TTN: variants seen among roughly 807,000 people sequenced by gnomAD.
The protein encoded by TTN is connectin.
TTN carries 1,525 observed loss-of-function variants against 3,223.0 expected under a neutral mutation model. That is an observed-to-expected ratio of 0.47 (90% CI 0.45 to 0.49). The LOEUF (loss-of-function observed/expected upper bound fraction) is 0.49. TTN is among the 20% of genes least tolerant of loss of function. TTN has a pLI of 0.00. For synonymous variants in TTN, 14,094 were observed against 15,161.0 expected, an observed-to-expected ratio of 0.93 and a Z score of 5.17; for missense variants, 40,786 against 43,424.0, an observed-to-expected ratio of 0.94 and a Z score of 5.40.
At chr2:178,650,859 CT>C in intron 208 of TTN, 25 bp from the exon 209 acceptor site, 1 of 1,573,948 alleles carries the variant, frequency 6.4e-7, no homozygotes, top group Non-Finnish European at 8.6e-7. Flanking sequence ...ATTCATTTTT[CT>C]TATGAGTAGT....
In TTN at chr2:178,588,127, C is replaced by T. The variant is rs1408476291; in HGVS notation, c.63280G>A (p.Ala21094Thr). 2.5e-6 allele frequency: 4 copies of T among 1,612,598 alleles called. No homozygotes were observed. Among genetic ancestry groups the T allele is most frequent in the Non-Finnish European group, 3.4e-6 (4 of 1,179,178 alleles). The change falls in exon 305 of 363, where the codon GCA becomes ACA. Residue 21094 changes from alanine to threonine, a missense_variant. Ala to Thr is a moderately conservative substitution (Grantham distance 58). Coordinates refer to ENST00000589042, the MANE Select transcript of TTN (RefSeq NM_001267550.2). Reference sequence around the variant, plus strand: ...TCCACAACATATCCAATGATCGGTGCACCACCATCATAGACTGGTTTTCCC... The same window carrying T: ...TCCACAACATATCCAATGATCGGTGTACCACCATCATAGACTGGTTTTCCC... ...GWGKPVYDGG[A>T]PIIGYVVEMR...
chr2:178,582,613 A>C lies in TTN; in HGVS notation c.65864-21T>G, dbSNP rs375373946. 194 of 1,582,564 alleles carry C rather than the reference A, an allele frequency of 1.2e-4. 1 individual carries two copies. The highest frequency in any genetic ancestry group is 1.9e-4 in the South Asian group (16 of 84,976). ...TTTATCTGAAGGAATAAGGAAGAAGAGTGAATATGTGGAATGGGGAATGAG... is the reference window on the plus strand; with the variant it reads ...TTTATCTGAAGGAATAAGGAAGAAGCGTGAATATGTGGAATGGGGAATGAG... On this transcript the variant is annotated intron_variant, in intron 313 of 362. Coordinates refer to ENST00000589042, the MANE Select transcript of TTN (RefSeq NM_001267550.2).
At position 178,573,910 on chromosome 2, in the gene TTN, T is replaced by A. The variant is rs763627374; in HGVS notation, c.72222A>T (p.Ala24074=). 7 of 1,612,256 alleles carry A rather than the reference T, an allele frequency of 4.3e-6. No homozygotes were observed. The highest frequency in any genetic ancestry group is 5.1e-6 in the Non-Finnish European group (6 of 1,178,752). ...AATCTGCAATTTTTATTTCTAACTT[T>A]GCTGTGCCTTCCAGCTCTTTTCCAT... The part of the protein sequence containing the change: ...SKDGKELEGT[A]KLEIKIADFS... The change falls in exon 326 of 363, where the codon GCA becomes GCT. Residue 24074 remains alanine, a synonymous_variant. Transcript: ENST00000589042.
chr2:178,782,423 C>T lies in TTN; in HGVS notation c.3169G>A (p.Val1057Ile), dbSNP rs780035225. ...GTCATAACCACATCTCTTGACTCAACAAAGCTGGAAAGAGAATTCCCCTCA... is the reference window on the plus strand; with the variant it reads ...GTCATAACCACATCTCTTGACTCAATAAAGCTGGAAAGAGAATTCCCCTCA... The part of the protein sequence containing the change: ...EKFTTEEKRF[V>I]ESRDVVMTDT... Residue 1057 changes from valine (V) to isoleucine (I), a missense_variant, in exon 20 of 363, where the codon GTT becomes ATT. By Grantham distance (29) the Val-to-Ile change is conservative (BLOSUM62 3). Transcript: ENST00000589042. 11 of 1,613,950 alleles carry T rather than the reference C, an allele frequency of 6.8e-6. No individual in the cohort carries two copies. The highest frequency in any genetic ancestry group is 1.3e-5 in the African/African-American group (1 of 74,910).
chr2:178,562,340 T>G lies in TTN; in HGVS notation c.83792A>C (p.Glu27931Ala). 15 of 1,611,708 alleles carry G rather than the reference T, an allele frequency of 9.3e-6. No homozygotes were observed. Among genetic ancestry groups the G allele is most frequent in the Non-Finnish European group, 1.3e-5 (15 of 1,179,064 alleles). The change falls in exon 326 of 363, where the codon GAG becomes GCG. Residue 27931 changes from glutamate (E) to alanine (A), a missense_variant. Coordinates refer to ENST00000589042, the MANE Select transcript of TTN (RefSeq NM_001267550.2). ...AACTGCAGCTACCCTGAAGACATAC[T>G]CTTCTCCTGCAGTTAAGCCAGATAT... ...ATISGLTAGEEYVFRVAAVNE... is the reference protein window; with the variant it reads ...ATISGLTAGEAYVFRVAAVNE...
intron 24 of TTN, chr2:178,778,644 T>C (rs1003332039): frequency 5.3e-6 from 3 of 570,640 alleles, no homozygotes; most frequent in African/African-American, 1.9e-5. Flanking sequence ...TATTGTGATA[T>C]TAGCTATAGC....
At position 178,562,998 on chromosome 2, in the gene TTN, C is replaced by T; in HGVS notation, c.83134G>A (p.Ala27712Thr). 6.2e-7 allele frequency: 1 copy of T among 1,613,670 alleles called. No individual in the cohort carries two copies. Among genetic ancestry groups the T allele is most frequent in the East Asian group, 2.2e-5 (1 of 44,830 alleles). Residue 27712 changes from alanine to threonine, a missense_variant, in exon 326 of 363, where the codon GCA becomes ACA. By Grantham distance (58) the Ala-to-Thr change is moderately conservative. Coordinates refer to ENST00000589042, the MANE Select transcript of TTN (RefSeq NM_001267550.2). Reference protein sequence around the residue: ...RPEPEVKWEKAEGILTDRAQI... With the variant: ...RPEPEVKWEKTEGILTDRAQI... ...GCCCTGTCAGTGAGAATGCCTTCTG[C>T]CTTTTCCCATTTAACTTCGGGTTCT...
chr2:178,713,643 G>A lies in TTN; in HGVS notation c.26761+254C>T, dbSNP rs1460269046. 7 of 698,112 alleles carry A rather than the reference G, an allele frequency of 1.0e-5. No individual in the cohort carries two copies. The East Asian group carries it at 1.7e-4, about 17-fold the overall frequency. 43.2% of individuals were successfully genotyped at this position (698,112 alleles called of 1,614,324 possible). A position where few individuals can be genotyped will look rare whatever the true frequency, so the allele number is the denominator to read the frequency against. On this transcript the variant is annotated intron_variant, in intron 92 of 362. Coordinates refer to ENST00000589042, the MANE Select transcript of TTN (RefSeq NM_001267550.2). Reference sequence around the variant, plus strand: ...GGTGAATTATTTCAGCATAAATGAAGACTGCTTTAACCTTATCCAGGGACT... The same window carrying A: ...GGTGAATTATTTCAGCATAAATGAAAACTGCTTTAACCTTATCCAGGGACT...
rs763477743 is a variant in TTN at position 178,618,059 on chromosome 2, A to G, written c.47292T>C (p.Asn15764=). The G allele has an allele frequency of 5.0e-6, 8 of 1,612,332 alleles. No homozygotes were observed. Among genetic ancestry groups the G allele is most frequent in the Non-Finnish European group, 6.8e-6 (8 of 1,179,070 alleles). The part of the protein sequence containing the change: ...SKYDVPGPPL[N]VTITDVNRFG... ...ATCGATTCACATCAGTGATGGTTAC[A>G]TTCAAAGGAGGGCCTGGAACATCTG... The change falls in exon 253 of 363, where the codon AAT becomes AAC. Residue 15764 remains asparagine, a synonymous_variant. Coordinates refer to ENST00000589042, the MANE Select transcript of TTN (RefSeq NM_001267550.2).
chr2:178,647,885 CAG>C (rs2062268641), intron 213 of TTN, among the ~76,000 whole-genome samples: 1 of 152,094 alleles, frequency 6.6e-6, no homozygotes, highest in Non-Finnish European at 1.5e-5. Flanking sequence ...AACGTTAGTT[CAG>C]AGACCCAATG....
At position 178,589,340 on chromosome 2, in the gene TTN, G is replaced by T. The variant is rs72646848; in HGVS notation, c.62385C>A (p.Gly20795=). 7.7e-4 allele frequency: 1,245 copies of T among 1,612,862 alleles called. 2 individuals carry two copies. Among genetic ancestry groups the T allele is most frequent in the Non-Finnish European group, 9.5e-4 (1,124 of 1,179,356 alleles). The change falls in exon 304 of 363, where the codon GGC becomes GGA. Residue 20795 remains glycine (G), a synonymous_variant. Transcript: ENST00000589042. Reference sequence around the variant, plus strand: ...TCCATGCAACTTCTGGGAATGGTTTGCCTCTAACCCCTGCCTCAAGCCTAA... The same window carrying T: ...TCCATGCAACTTCTGGGAATGGTTTTCCTCTAACCCCTGCCTCAAGCCTAA... ...DTIRLEAGVR[G]KPFPEVAWTK... is the part of the protein sequence containing the mutation.
intron 47 of TTN, chr2:178,751,869 T>C (rs1197364303): frequency 1.2e-6 from 2 of 1,607,964 alleles, no homozygotes; most frequent in East Asian, 2.2e-5. Context: ...TATTTAAATG[T>C]AAGTTTCTGG....
chr2:178,546,936 A>C, intron 340 of TTN, 31 bp from the exon 341 acceptor site: 1 of 1,576,108 alleles, frequency 6.3e-7, no homozygotes, highest in Non-Finnish European at 8.6e-7. Flanking sequence ...AGGTTAAAAT[A>C]TACCACTCTG....
At position 178,560,199 on chromosome 2, in the gene TTN, C is replaced by T. The variant is rs879226652; in HGVS notation, c.85933G>A (p.Ala28645Thr). ...GATGGTAGGAACACTGGATCTTCTG[C>T]CCTAATTAAGGGAGAGGTTTCACTT... The part of the protein sequence containing the change: ...LPSETSPLIR[A>T]EDPVFLPSPP... The change falls in exon 326 of 363, where the codon GCA becomes ACA. Residue 28645 changes from alanine to threonine, a missense_variant. Coordinates refer to ENST00000589042, the MANE Select transcript of TTN (RefSeq NM_001267550.2). The T allele has an allele frequency of 1.2e-6, 2 of 1,613,722 alleles. No individual in the cohort carries two copies. Among genetic ancestry groups the T allele is most frequent in the East Asian group, 4.5e-5 (2 of 44,840 alleles).
rs1322355821 is a variant in TTN at position 178,539,492 on chromosome 2, T to G, written c.98573A>C (p.Lys32858Thr). 1.2e-6 allele frequency: 2 copies of G among 1,613,804 alleles called. No individual in the cohort carries two copies. The highest frequency in any genetic ancestry group is 4.5e-5 in the East Asian group (2 of 44,870). The change falls in exon 352 of 363, where the codon AAA becomes ACA. Residue 32858 changes from lysine (K) to threonine (T), a missense_variant. By Grantham distance (78) the Lys-to-Thr change is moderately conservative. Coordinates refer to ENST00000589042, the MANE Select transcript of TTN (RefSeq NM_001267550.2). ...GTATTCTACATTCTCTTTGAGGCCT[T>G]TTACCACCAGAGATGTACCTCGGAC... The part of the protein sequence containing the change: ...SRVRGTSLVV[K>T]GLKENVEYHF...
intron 240 of TTN, chr2:178,628,671 AT>A (rs1050539401): frequency 5.9e-5 from 9 of 152,142 alleles, no homozygotes; most frequent in East Asian, 1.9e-4. Flanking sequence ...CTTAAAAAAA[AT>A]ATTTCATCCA....
Position 178,738,123 on chromosome 2 carries a change from T to G in TTN, c.14330A>C (p.Glu4777Ala), listed in dbSNP as rs747457945. 2.4e-5 allele frequency: 38 copies of G among 1,613,708 alleles called. No individual in the cohort carries two copies. The highest frequency in any genetic ancestry group is 4.0e-5 in the African/African-American group (3 of 74,934). ...CGEYTCKASN[E>A]YGSVSCTATL... is the part of the protein sequence containing the mutation. ...GGCTGTACAGCTGACACTGCCATAC[T>G]CATTGGAAGCTTTGCATGTATACTC... The change falls in exon 49 of 363, where the codon GAG becomes GCG. Residue 4777 changes from glutamate to alanine, a missense_variant. Transcript: ENST00000589042.
chr2:178,719,313 A>T lies in TTN; in HGVS notation c.24077T>A (p.Val8026Asp). 2 of 1,613,746 alleles carry T rather than the reference A, an allele frequency of 1.2e-6. No homozygotes were observed. The highest frequency in any genetic ancestry group is 2.2e-5 in the East Asian group (1 of 44,854). Residue 8026 changes from valine to aspartate, a missense_variant, in exon 83 of 363, where the codon GTT (valine) becomes GAT (aspartate). Physicochemically the swap from Val to Asp is radical, Grantham distance 152. Transcript: ENST00000589042. ...VGWFQDGNEI[V>D]SGPKCQSSFS... The stretch of plus-strand genomic sequence containing the variant: ...GCTGGACTGACATTTGGGCCCACTA[A>T]CAATCTCATTTCCATCCTGAAACCA...
rs374833667 is a variant in TTN, at chr2:178,593,395, C to T, written c.58813G>A (p.Asp19605Asn). The change falls in exon 299 of 363, where the codon GAT becomes AAT. Residue 19605 changes from aspartate (D) to asparagine (N), a missense_variant. Coordinates refer to ENST00000589042, the MANE Select transcript of TTN (RefSeq NM_001267550.2). ...TAGTTTGTGATGGGTTTTCCTCCAT[C>T]ATGTGGCTTATTCCAGGTTACTAAT... ...SALVTWNKPH[D>N]GGKPITNYIL... is the part of the protein sequence containing the mutation. The T allele has an allele frequency of 2.7e-5, 44 of 1,613,244 alleles. No homozygotes were observed. Among genetic ancestry groups the T allele is most frequent in the Non-Finnish European group, 3.3e-5 (39 of 1,179,572 alleles).
Sources: allele counts gnomAD v4.1 joint callset (sites outside exome capture counted in the v4.1 genomes callset), GRCh38; gene constraint gnomAD v4.1.1; transcripts MANE v1.5; gene names NCBI Gene and HGNC (gene_info 2026-07-23, HGNC 2026-07-21).